The following BID variants were observed in gnomAD, a reference collection of about 807,000 sequenced individuals.
BID encodes BH3-interacting domain death agonist.
A neutral mutation model predicts 17.4 loss-of-function variants in BID; 19 were observed. The observed-to-expected ratio is 1.09, with a 90% CI of 0.76 to 1.60. The LOEUF (loss-of-function observed/expected upper bound fraction) is 1.60, where lower values mean the gene tolerates loss of function less well. Ranked by LOEUF, BID falls within the 40% of genes most tolerant of loss-of-function variation. The pLI, the probability that BID is intolerant of heterozygous loss-of-function variation, is 0.00. For missense variants in BID, 226 were observed against 256.0 expected, an observed-to-expected ratio of 0.88 and a Z score of 0.80; for synonymous variants, 108 against 102.8, an observed-to-expected ratio of 1.05 and a Z score of -0.31.
At chr22:17,755,481 T>C (rs975391867) in intron 1 of BID, among the ~76,000 whole-genome samples, 3 of 152,102 alleles carry the variant, frequency 2.0e-5, no homozygotes, top group Non-Finnish European at 4.4e-5. Context: ...CACTTCACTT[T>C]TTTGTGCCTT....
At chr22:17,756,732 T>C (rs1329629766) in intron 1 of BID, among the ~76,000 whole-genome samples, 2 of 151,932 alleles carry the variant, frequency 1.3e-5, no homozygotes, top group African/African-American at 2.4e-5. Flanking sequence ...TGCACCATCA[T>C]GCCCAGCTAA....
chr22:17,758,459 CG>C (rs1266160245), intron 1 of BID, among the ~76,000 whole-genome samples: 3 of 152,206 alleles, frequency 2.0e-5, no homozygotes, highest in African/African-American at 7.2e-5. Context: ...TTGGGTATTA[CG>C]CTGAAGAACT....
Position 17,738,130 on chromosome 22 carries a change from G to A in BID, c.463C>T (p.Leu155=). ...EKTMLVLALL[L]AKKVASHTPS... is the part of the protein sequence containing the mutation. ...GTGTGACTGGCCACCTTCTTGGCCA[G>A]CAGCAGGGCCAGCACCAGCATGGTC... The change falls in exon 5 of 6, where the codon CTG becomes TTG. Residue 155 remains leucine, a synonymous_variant. Coordinates refer to ENST00000622694, the MANE Select transcript of BID (RefSeq NM_001196.4). 6.2e-7 allele frequency: 1 copy of A among 1,614,100 alleles called. No homozygotes were observed. Among genetic ancestry groups the A allele is most frequent in the Non-Finnish European group, 8.5e-7 (1 of 1,180,036 alleles).
chr22:17,756,272 C>T (rs561328185), intron 1 of BID, among the ~76,000 whole-genome samples: 6 of 152,288 alleles, frequency 3.9e-5, no homozygotes, highest in African/African-American at 7.2e-5. Context: ...GAACTGTGTG[C>T]GCAGGCAACG....
At chr22:17,748,213 A>T (rs1601848387) in intron 2 of BID, among the ~76,000 whole-genome samples, 4 of 140,360 alleles carry the variant, frequency 2.8e-5, no homozygotes, top group Admixed American at 7.2e-5. Flanking sequence ...CGTCTCAAAA[A>T]AATAATAATA....
chr22:17,748,302 G>A (rs997661880), intron 2 of BID, among the ~76,000 whole-genome samples: 14 of 150,270 alleles, frequency 9.3e-5, no homozygotes, highest in Admixed American at 3.3e-4. Context: ...GAGGTCAGGA[G>A]ATCGAGACCA....
chr22:17,735,596 A>G lies in BID; in HGVS notation c.577-5T>C, dbSNP rs1445801833. On this transcript the variant is annotated splice_region_variant and splice_polypyrimidine_tract_variant and intron_variant, in intron 5 of 5. Transcript: ENST00000622694. Reference sequence around the variant, plus strand: ...ACTGTCCGTTCAGTCCATCCCCTAGAGCAAGAAAGGAGAAAAAGCCAGAAT... The same window carrying G: ...ACTGTCCGTTCAGTCCATCCCCTAGGGCAAGAAAGGAGAAAAAGCCAGAAT... The G allele has an allele frequency of 2.5e-6, 4 of 1,614,088 alleles. No individual in the cohort carries two copies. The highest frequency in any genetic ancestry group is 2.5e-6 in the Non-Finnish European group (3 of 1,180,052).
chr22:17,742,071 G>C (rs1386961252), intron 3 of BID, among the ~76,000 whole-genome samples: 1 of 152,186 alleles, frequency 6.6e-6, no homozygotes, highest in African/African-American at 2.4e-5. Flanking sequence ...AATCTTTCCT[G>C]ATCCGTCTGT....
intron 1 of BID, among the ~76,000 whole-genome samples, chr22:17,760,424 C>G (rs1276345688): frequency 7.3e-6 from 1 of 137,644 alleles, no homozygotes; most frequent in Non-Finnish European, 1.5e-5. Flanking sequence ...TGCACTCCAG[C>G]CTGGGTAACA....
rs1403879070 is a variant in BID, at chr22:17,734,480, A to G, written c.*1100T>C. The G allele has an allele frequency of 6.6e-6, 1 of 152,184 alleles. No individual in the cohort carries two copies. The highest frequency in any genetic ancestry group is 2.1e-4 in the South Asian group (1 of 4,832). The allele number at this position is 152,184 out of a possible 1,614,324, so 9.4% of individuals were successfully genotyped here. A position where few individuals can be genotyped will look rare whatever the true frequency, so the allele number is the denominator to read the frequency against. On this transcript the variant is annotated 3_prime_UTR_variant, in exon 6 of 6. Coordinates refer to ENST00000622694, the MANE Select transcript of BID (RefSeq NM_001196.4). ...TCGTGCTTTTAAACTGATTCCTGGG[A>G]CATAGCTTACCACTGGAACAGCAGA...
At position 17,739,471 on chromosome 22, in the gene BID, C is replaced by T. The variant is rs1462876451; in HGVS notation, c.241G>A (p.Asp81Asn). Reference protein sequence around the residue: ...RIEADSESQEDIIRNIARHLA... With the variant: ...RIEADSESQENIIRNIARHLA... ...TGCCTGGCAATATTCCGGATGATGT[C>T]TTCTTGACTTTCAGAATCTGTGTTC... The change falls in exon 4 of 6, where the codon GAC (aspartate) becomes AAC (asparagine). Residue 81 changes from aspartate to asparagine, a missense_variant. Physicochemically the swap from Asp to Asn is conservative, Grantham distance 23. Transcript: ENST00000622694. 1 of 1,612,014 alleles carries T rather than the reference C, an allele frequency of 6.2e-7. No homozygotes were observed. The highest frequency in any genetic ancestry group is 1.1e-5 in the South Asian group (1 of 91,058).
intron 3 of BID, among the ~76,000 whole-genome samples, chr22:17,742,562 A>T (rs1399985743): frequency 2.2e-5 from 3 of 135,352 alleles, no homozygotes; most frequent in Non-Finnish European, 3.1e-5. Context: ...CGGGAGGCAG[A>T]AGGCTGGGTC....
chr22:17,737,429 C>T (rs533374293), intron 5 of BID, among the ~76,000 whole-genome samples: 1 of 152,256 alleles, frequency 6.6e-6, no homozygotes, highest in South Asian at 2.1e-4. Context: ...TCACTGCAAC[C>T]TCTGCCTCCA....
intron 1 of BID, among the ~76,000 whole-genome samples, chr22:17,752,303 C>T (rs566114703): frequency 6.6e-6 from 1 of 152,326 alleles, no homozygotes; most frequent in East Asian, 1.9e-4. Context: ...GGGTGTGCTC[C>T]TGGCACGTAG....
intron 1 of BID, among the ~76,000 whole-genome samples, chr22:17,760,952 G>C (rs556770371): frequency 6.6e-6 from 1 of 152,136 alleles, no homozygotes; most frequent in African/African-American, 2.4e-5. Context: ...TGACAAGCAC[G>C]GGGCCTCCCG....
intron 3 of BID, among the ~76,000 whole-genome samples, chr22:17,741,437 G>A (rs1313224616): frequency 6.6e-6 from 1 of 151,520 alleles, no homozygotes. Context: ...TAACTTCCAC[G>A]CTTCCTAGGC....
At chr22:17,763,752 T>A (rs1356920773) in intron 1 of BID, among the ~76,000 whole-genome samples, 9 of 138,488 alleles carry the variant, frequency 6.5e-5, no homozygotes, top group East Asian at 2.1e-4. Flanking sequence ...TTAGAACCAA[T>A]ACAAGAGTAT....
At chr22:17,770,006 G>A (rs925320492) in intron 1 of BID, among the ~76,000 whole-genome samples, 5 of 152,112 alleles carry the variant, frequency 3.3e-5, no homozygotes, top group Admixed American at 2.6e-4. Flanking sequence ...GGAGGGACAC[G>A]CTGCTGCCTC....
chr22:17,738,900 A>G (rs1396383804), intron 4 of BID, among the ~76,000 whole-genome samples: 2 of 152,286 alleles, frequency 1.3e-5, no homozygotes, highest in Non-Finnish European at 2.9e-5. Flanking sequence ...CTGGGGACAC[A>G]GTGCCCCGGA....
Sources: allele counts gnomAD v4.1 joint callset (sites outside exome capture counted in the v4.1 genomes callset), GRCh38; gene constraint gnomAD v4.1.1; transcripts MANE v1.5; gene names NCBI Gene and HGNC (gene_info 2026-07-23, HGNC 2026-07-21).